Variants in SH2D4B observed in about 807,000 individuals in gnomAD.
SH2D4B encodes the protein SH2 domain-containing protein 4B.
SH2D4B carries 45 observed loss-of-function variants against 61.5 expected under a neutral mutation model. The ratio of observed to expected loss-of-function variants is 0.73; its 90% confidence interval spans 0.58 to 0.94. SH2D4B has a LOEUF of 0.94. SH2D4B is among the 40% of genes least tolerant of loss of function. The pLI is 0.00. For missense variants in SH2D4B, 572 were observed against 574.2 expected (o/e 1.00, Z 0.04); for synonymous variants, 224 against 220.4 (o/e 1.02, Z -0.14).
At chr10:80,574,756 A>G (rs188227917) in intron 3 of SH2D4B, among the ~76,000 whole-genome samples, 12 of 152,202 alleles carry the variant, frequency 7.9e-5, no homozygotes, top group African/African-American at 2.6e-4. Context: ...GCTGGAGTGC[A>G]ATGGCGCAAT....
chr10:80,598,802 T>TA (rs1842413320), intron 4 of SH2D4B, among the ~76,000 whole-genome samples: 1 of 151,946 alleles, frequency 6.6e-6, no homozygotes, highest in African/African-American at 2.4e-5. Context: ...TGTGAACTTG[T>TA]AGGAGTGTGG....
At chr10:80,551,301 G>A (rs1033468915) in intron 1 of SH2D4B, among the ~76,000 whole-genome samples, 6 of 152,076 alleles carry the variant, frequency 3.9e-5, no homozygotes, top group African/African-American at 1.4e-4. Flanking sequence ...TGATCTGCCT[G>A]CCTCGGCCTC....
At chr10:80,640,717 C>A (rs193087714) in intron 7 of SH2D4B, among the ~76,000 whole-genome samples, 1 of 152,046 alleles carries the variant, frequency 6.6e-6, no homozygotes, top group Non-Finnish European at 1.5e-5. Flanking sequence ...TTTTAGCTTC[C>A]TTGCGATGGG....
chr10:80,560,265 GCGTGAGCCAC>G (rs1188359357), intron 1 of SH2D4B, among the ~76,000 whole-genome samples: 3 of 151,922 alleles, frequency 2.0e-5, no homozygotes, highest in Non-Finnish European at 4.4e-5. Flanking sequence ...GGGATTACAG[GCGTGAGCCAC>G]CGTGCCCGGC....
chr10:80,592,033 G>A (rs1020095036), intron 4 of SH2D4B, among the ~76,000 whole-genome samples: 4 of 152,068 alleles, frequency 2.6e-5, no homozygotes, highest in Admixed American at 6.5e-5. Flanking sequence ...ATTCCTTGAC[G>A]TCCTTGCCAA....
chr10:80,546,046 CTTTTTTTT>C (rs577179576), intron 1 of SH2D4B, among the ~76,000 whole-genome samples: 1 of 130,426 alleles, frequency 7.7e-6, no homozygotes, highest in Non-Finnish European at 1.6e-5. Flanking sequence ...CTCTCTCTTT[CTTTTTTTT>C]TTTTTTTTTA....
chr10:80,564,267 G>A (rs1005066021), intron 1 of SH2D4B, among the ~76,000 whole-genome samples: 1 of 152,086 alleles, frequency 6.6e-6, no homozygotes, highest in Non-Finnish European at 1.5e-5. Context: ...TCCTTTAAAT[G>A]TTTTCAAGTT....
At chr10:80,571,776 CT>C (rs11394733) in intron 3 of SH2D4B, among the ~76,000 whole-genome samples, 198 bp downstream of exon 3, 185 of 135,576 alleles carry the variant, frequency 1.4e-3, no homozygotes, top group Non-Finnish European at 1.4e-3. Context: ...TTTTTTTTTT[CT>C]TTTTTTTTTT....
At chr10:80,543,165 C>T (rs1349098101) in intron 1 of SH2D4B, among the ~76,000 whole-genome samples, 3 of 152,194 alleles carry the variant, frequency 2.0e-5, no homozygotes, top group Non-Finnish European at 4.4e-5. Flanking sequence ...CCCACTTTGG[C>T]GGCACTTGAG....
In SH2D4B at chr10:80,644,056, C is replaced by T. The variant is rs949590061; in HGVS notation, c.1273C>T (p.Pro425Ser). Residue 425 changes from proline (P) to serine (S), a missense_variant, in exon 8 of 8, where the codon CCA (proline) becomes TCA (serine). By Grantham distance (74) the Pro-to-Ser change is moderately conservative (BLOSUM62 -1). Coordinates refer to ENST00000646907, the MANE Select transcript of SH2D4B (RefSeq NM_001388272.1). ...GGAACCCTGCGGACAGAGGGACAGC[C>T]CACCAGACTACCATCTGTTGTTTGA... ...LQEPCGQRDS[P>S]PDYHLLFE The T allele has an allele frequency of 6.2e-7, 1 of 1,613,702 alleles. No homozygotes were observed. Among genetic ancestry groups the T allele is most frequent in the African/African-American group, 1.3e-5 (1 of 74,862 alleles).
intron 1 of SH2D4B, among the ~76,000 whole-genome samples, chr10:80,560,025 T>C (rs1841883968): frequency 6.8e-6 from 1 of 146,040 alleles, no homozygotes; most frequent in Non-Finnish European, 1.5e-5. Flanking sequence ...TCTGGCTCTG[T>C]CGACCAGGCA....
intron 1 of SH2D4B, among the ~76,000 whole-genome samples, chr10:80,545,391 C>T (rs1841660921): frequency 6.6e-6 from 1 of 151,594 alleles, no homozygotes; most frequent in South Asian, 2.1e-4. Flanking sequence ...GCTTCTCCTC[C>T]TCCTCTCCTC....
At chr10:80,612,374 GGGGACTC>G (rs1403403158) in intron 6 of SH2D4B, among the ~76,000 whole-genome samples, 2 of 152,164 alleles carry the variant, frequency 1.3e-5, no homozygotes, top group South Asian at 2.1e-4. Flanking sequence ...CAGGTTGGCA[GGGGACTC>G]GGCTCTCCCT....
In SH2D4B at chr10:80,609,525, C is replaced by A. The variant is rs1295566958; in HGVS notation, c.962C>A (p.Thr321Asn). ...LPRRAGFERN[T>N]KFIAPWFHGI... is the part of the protein sequence containing the mutation. The stretch of plus-strand genomic sequence containing the variant: ...CGCCGAGCTGGCTTCGAGAGGAACA[C>A]CAAGTTCATCGCCCCCTGGTTCCAT... The change falls in exon 6 of 8, where the codon ACC becomes AAC. Residue 321 changes from threonine to asparagine, a missense_variant. By Grantham distance (65) the Thr-to-Asn change is moderately conservative. Coordinates refer to ENST00000646907, the MANE Select transcript of SH2D4B (RefSeq NM_001388272.1). The A allele has an allele frequency of 6.2e-7, 1 of 1,614,228 alleles. No homozygotes were observed. The highest frequency in any genetic ancestry group is 1.7e-5 in the Admixed American group (1 of 60,026).
At chr10:80,573,139 C>T (rs1373267227) in intron 3 of SH2D4B, among the ~76,000 whole-genome samples, 4 of 142,786 alleles carry the variant, frequency 2.8e-5, no homozygotes, top group Admixed American at 1.4e-4. Flanking sequence ...CGCCCGCCAC[C>T]GCGCCCGGCT....
rs535593804 is a variant in SH2D4B at position 80,610,489 on chromosome 10, C to T, written c.988+938C>T. Among the ~76,000 whole-genome samples the T allele has an allele frequency of 2.6e-5, 4 of 152,350 alleles. No individual in the cohort carries two copies. The South Asian group carries it at 8.3e-4, about 32-fold the overall frequency. On this transcript the variant is annotated intron_variant, in intron 6 of 7. Transcript: ENST00000646907. ...CAGTTCCGAAGAACAGCCCTTGCTT[C>T]TCTGCATTGAAAATCCAGAGCCACA...
chr10:80,629,046 A>G (rs1468043355), intron 6 of SH2D4B, among the ~76,000 whole-genome samples: 1 of 151,892 alleles, frequency 6.6e-6, no homozygotes, highest in Non-Finnish European at 1.5e-5. Flanking sequence ...AAAAAAGAAA[A>G]AGAAAAAGAA....
intron 1 of SH2D4B, among the ~76,000 whole-genome samples, chr10:80,566,519 C>T (rs1345233031): frequency 1.3e-5 from 2 of 152,106 alleles, no homozygotes; most frequent in Non-Finnish European, 2.9e-5. Context: ...TGGTCTGGAA[C>T]TCCTGACCTC....
rs190988637 is a variant in SH2D4B, at chr10:80,540,017, T to A, written c.184+1502T>A. On this transcript the variant is annotated intron_variant, in intron 1 of 7. Transcript: ENST00000646907. Reference sequence around the variant, plus strand: ...CTGGGGACTCATGATGCCTGCATGATGACTCTTCTTGGAGGGAGACAGATG... The same window carrying A: ...CTGGGGACTCATGATGCCTGCATGAAGACTCTTCTTGGAGGGAGACAGATG... Among the ~76,000 whole-genome samples, 7 of 152,266 alleles carry A rather than the reference T, an allele frequency of 4.6e-5. No individual in the cohort carries two copies. The East Asian group carries it at 5.8e-4, about 13-fold the overall frequency.
Sources: gnomAD v4.1 joint callset for allele counts (sites outside exome capture counted in the v4.1 genomes callset) on GRCh38, gnomAD v4.1.1 for gene constraint, MANE v1.5 for transcripts, NCBI Gene and HGNC (gene_info 2026-07-23, HGNC 2026-07-21) for gene names.